KIAA1328: variants seen among roughly 807,000 people sequenced by gnomAD.
KIAA1328 encodes KIAA1328.
In KIAA1328, 52 loss-of-function variants were observed where a neutral mutation model predicts 68.1. The ratio of observed to expected loss-of-function variants is 0.76; its 90% CI spans 0.61 to 0.96. KIAA1328 has a LOEUF of 0.96. KIAA1328 is among the 40% of genes least tolerant of loss of function. The pLI, the probability that KIAA1328 is intolerant of heterozygous loss-of-function variation, is 0.00. For missense variants in KIAA1328, 641 were observed against 677.6 expected, an observed-to-expected ratio of 0.95 and a Z score of 0.60; for synonymous variants, 232 against 239.4, an observed-to-expected ratio of 0.97 and a Z score of 0.28.
chr18:37,031,938 G>A (rs958491240), intron 6 of KIAA1328, among the ~76,000 whole-genome samples: 49 of 152,100 alleles, frequency 3.2e-4, no homozygotes, highest in Admixed American at 1.7e-3. Context: ...AGGCTGAGGC[G>A]GGTGGATCGC....
intron 7 of KIAA1328, among the ~76,000 whole-genome samples, chr18:37,121,131 A>G (rs746667803): frequency 3.9e-5 from 6 of 152,168 alleles, no homozygotes; most frequent in African/African-American, 1.4e-4. Flanking sequence ...CTATAAAGGT[A>G]TAGTCCAACT....
At chr18:36,859,218 G>A (rs1601018012) in intron 4 of KIAA1328, among the ~76,000 whole-genome samples, 1 of 151,988 alleles carries the variant, frequency 6.6e-6, no homozygotes, top group Non-Finnish European at 1.5e-5. Flanking sequence ...ATTTTAACAA[G>A]TGCAGTTTCC....
rs552762758 is a variant in KIAA1328 at position 37,131,144 on chromosome 18, A to G, written c.1233-29056A>G. Among the ~76,000 whole-genome samples the G allele has an allele frequency of 1.0e-3, 157 of 152,316 alleles. 2 individuals are homozygous for G. The highest frequency in any genetic ancestry group is 3.7e-3 in the African/African-American group (154 of 41,576). On this transcript the variant is annotated intron_variant, in intron 7 of 9. Coordinates refer to ENST00000280020, the MANE Select transcript of KIAA1328 (RefSeq NM_020776.3). ...GGAACAACTAGACAAGATCCTTTCT[A>G]TGCTTGAGTTATACTTGTGTGATTT...
At chr18:37,092,168 G>C (rs536145660) in intron 7 of KIAA1328, among the ~76,000 whole-genome samples, 44 of 152,138 alleles carry the variant, frequency 2.9e-4, no homozygotes, top group Non-Finnish European at 8.8e-5. Context: ...GCTGGCACAC[G>C]TGCATTCTTT....
At chr18:37,103,767 A>C (rs1007648501) in intron 7 of KIAA1328, among the ~76,000 whole-genome samples, 2 of 151,876 alleles carry the variant, frequency 1.3e-5, no homozygotes, top group Non-Finnish European at 2.9e-5. Flanking sequence ...ACAAGGACTA[A>C]TATCCTGAAT....
chr18:36,946,399 A>T (rs536711615), intron 5 of KIAA1328: 1 of 152,306 alleles, frequency 6.6e-6, no homozygotes, highest in Non-Finnish European at 1.5e-5. Flanking sequence ...CTTAGAGATG[A>T]TTGATACGCA....
chr18:36,844,670 A>G (rs1183188863), intron 4 of KIAA1328, among the ~76,000 whole-genome samples: 1 of 151,900 alleles, frequency 6.6e-6, no homozygotes, highest in East Asian at 1.9e-4. Flanking sequence ...AAGAAAAAAT[A>G]TTTCACTCAC....
chr18:37,215,940 G>T (rs1260700384), intron 9 of KIAA1328, among the ~76,000 whole-genome samples: 1 of 152,200 alleles, frequency 6.6e-6, no homozygotes, highest in East Asian at 1.9e-4. Context: ...TTGCTTAGAA[G>T]TGTTTATAGT....
Position 37,225,186 on chromosome 18 carries a change from C to T in KIAA1328, c.*2959C>T, listed in dbSNP as rs1486668870. 16 of 985,464 alleles carry T rather than the reference C, an allele frequency of 1.6e-5. No individual in the cohort carries two copies. In the South Asian group the frequency reaches 2.3e-4, roughly 14 times the overall value. 61.0% of individuals were successfully genotyped at this position (985,464 alleles called of 1,614,324 possible). A position where few individuals can be genotyped will look rare whatever the true frequency, so the allele number is the denominator to read the frequency against. On this transcript the variant is annotated 3_prime_UTR_variant, in exon 10 of 10. Coordinates refer to ENST00000280020, the MANE Select transcript of KIAA1328 (RefSeq NM_020776.3). ...AGAGGCCTGATGGGGCAGAGCTGGA[C>T]GAAGTCTGCTAAGAGAGATGGAGGC...
intron 5 of KIAA1328, among the ~76,000 whole-genome samples, chr18:36,911,755 A>G (rs2049460447): frequency 6.6e-6 from 1 of 152,166 alleles, no homozygotes; most frequent in Admixed American, 6.5e-5. Context: ...TAAAGCCACA[A>G]TTTATCCCTT....
At chr18:37,097,455 C>T (rs543392909) in intron 7 of KIAA1328, among the ~76,000 whole-genome samples, 45 of 152,274 alleles carry the variant, frequency 3.0e-4, no homozygotes, top group African/African-American at 9.9e-4. Context: ...GTACCAGTAC[C>T]ATGCTATTTT....
intron 6 of KIAA1328, among the ~76,000 whole-genome samples, chr18:37,032,367 T>C (rs2054864122): frequency 6.6e-6 from 1 of 152,188 alleles, no homozygotes; most frequent in African/African-American, 2.4e-5. Flanking sequence ...ATATTTTAAA[T>C]AGATATGAAA....
chr18:37,114,222 C>T (rs953929784), intron 7 of KIAA1328, among the ~76,000 whole-genome samples: 7 of 152,196 alleles, frequency 4.6e-5, no homozygotes, highest in African/African-American at 1.2e-4. Flanking sequence ...CTCAGCACCA[C>T]GTCGCACTTA....
intron 3 of KIAA1328, among the ~76,000 whole-genome samples, chr18:36,837,766 G>C (rs1600923719): frequency 6.6e-6 from 1 of 151,834 alleles, no homozygotes; most frequent in Admixed American, 6.6e-5. Flanking sequence ...TTGTATATGG[G>C]GTGAGGTGGT....
At chr18:37,035,479 G>A (rs2054989997) in intron 6 of KIAA1328, among the ~76,000 whole-genome samples, 1 of 152,154 alleles carries the variant, frequency 6.6e-6, no homozygotes, top group African/African-American at 2.4e-5. Flanking sequence ...CAAATTGCTG[G>A]TGAGTCTTTT....
At chr18:36,989,181 G>A (rs921363573) in intron 6 of KIAA1328, among the ~76,000 whole-genome samples, 1 of 151,904 alleles carries the variant, frequency 6.6e-6, no homozygotes, top group African/African-American at 2.4e-5. Context: ...CTTGTTTTTC[G>A]TTTCTCTCAG....
intron 9 of KIAA1328, among the ~76,000 whole-genome samples, chr18:37,208,681 A>G (rs536791311): frequency 6.6e-6 from 1 of 152,324 alleles, no homozygotes; most frequent in South Asian, 2.1e-4. Context: ...CATGTTTAAT[A>G]TAAATGATTT....
At chr18:37,174,863 G>A (rs7241025) in intron 9 of KIAA1328, among the ~76,000 whole-genome samples, 4,387 of 152,160 alleles carry the variant, frequency 0.029, 219 homozygotes, top group African/African-American at 0.1. Context: ...AATAGGGACA[G>A]GCTTTTACCA....
intron 7 of KIAA1328, among the ~76,000 whole-genome samples, chr18:37,069,507 A>G (rs1236680545): frequency 6.6e-6 from 1 of 152,134 alleles, no homozygotes; most frequent in Non-Finnish European, 1.5e-5. Flanking sequence ...TTGTTTCGGT[A>G]TCAAGGTAAT....
Sources: allele counts gnomAD v4.1 joint callset (sites outside exome capture counted in the v4.1 genomes callset), GRCh38; gene constraint gnomAD v4.1.1; transcripts MANE v1.5; gene names NCBI Gene and HGNC (gene_info 2026-07-23, HGNC 2026-07-21).